Variants in ST7 observed in about 807,000 individuals in gnomAD.
The protein encoded by ST7 is suppression of tumorigenicity 7, also known as suppressor of tumorigenicity 7 protein.
ST7 carries 28 observed loss-of-function variants against 78.7 expected under a neutral mutation model. The ratio of observed to expected loss-of-function variants is 0.36; its 90% confidence interval spans 0.26 to 0.49. The LOEUF (loss-of-function observed/expected upper bound fraction) is 0.49, where lower values mean the gene tolerates loss of function less well. Ranked by LOEUF, ST7 falls within the 20% of genes least tolerant of loss-of-function variation. The pLI, the probability that ST7 is intolerant of heterozygous loss-of-function variation, is 0.99. For missense variants in ST7, 418 were observed against 696.0 expected (o/e 0.60, Z 4.49); for synonymous variants, 247 against 249.6 (o/e 0.99, Z 0.10).
At chr7:117,153,344 T>A (rs1806437178) in intron 9 of ST7, among the ~76,000 whole-genome samples, 1 of 152,050 alleles carries the variant, frequency 6.6e-6, no homozygotes, top group Non-Finnish European at 1.5e-5. Flanking sequence ...ACCCTGAGCT[T>A]ATGAGAGAGA....
chr7:117,135,944 T>C, intron 7 of ST7, 137 bp from the exon 8 acceptor site: 2 of 837,640 alleles, frequency 2.4e-6, no homozygotes, highest in Non-Finnish European at 3.8e-6. Context: ...TGTCAGCAAC[T>C]ACAAACAGGA....
Position 117,165,951 on chromosome 7 carries a change from A to T in ST7, c.964-4911A>T, listed in dbSNP as rs996900343. Among the ~76,000 whole-genome samples, 42 of 152,122 alleles carry T rather than the reference A, an allele frequency of 2.8e-4. 1 individual carries two copies. Among genetic ancestry groups the T allele is most frequent in the Non-Finnish European group, 7.4e-5 (5 of 68,010 alleles). ...AGTGAGGTTGGCATATTAGACAGGG[A>T]CTTGTCACAAGGGGCTACGTTTGCC... On this transcript the variant is annotated intron_variant, in intron 9 of 15. Coordinates refer to ENST00000323984, the MANE Select transcript of ST7 (RefSeq NM_001369598.1).
At chr7:117,128,024 C>A (rs1169532145) in intron 3 of ST7, among the ~76,000 whole-genome samples, 2 of 151,872 alleles carry the variant, frequency 1.3e-5, no homozygotes, top group African/African-American at 4.8e-5. Context: ...TTTGCCCTAG[C>A]CTTTTTACTA....
At chr7:117,110,797 A>G (rs758003487) in intron 2 of ST7, among the ~76,000 whole-genome samples, 10 of 152,236 alleles carry the variant, frequency 6.6e-5, no homozygotes, top group South Asian at 2.1e-4. Context: ...CCCAACAGCA[A>G]TAAAGGGATT....
chr7:117,063,538 A>G (rs1329866993), intron 1 of ST7, among the ~76,000 whole-genome samples: 3 of 152,046 alleles, frequency 2.0e-5, no homozygotes, highest in Non-Finnish European at 2.9e-5. Context: ...GTGAAAGCCT[A>G]TCTCTACAAA....
chr7:117,138,344 G>A lies in ST7; in HGVS notation c.866-91G>A, dbSNP rs899690694. ...CATTCTACTATTAACAAAGTTGTCA[G>A]TGCTATGAAAATTTCCTTTAGGGGC... On this transcript the variant is annotated intron_variant, in intron 8 of 15. Transcript: ENST00000323984. The A allele has an allele frequency of 5.6e-6, 4 of 718,994 alleles. No homozygotes were observed. The Admixed American group carries it at 1.1e-4, about 21-fold the overall frequency. 44.5% of individuals were successfully genotyped at this position (718,994 alleles called of 1,614,324 possible). A position where few individuals can be genotyped will look rare whatever the true frequency, so the allele number is the denominator to read the frequency against.
Position 117,131,938 on chromosome 7 carries a change from C to T in ST7, c.619C>T (p.His207Tyr), listed in dbSNP as rs755364001. The T allele has an allele frequency of 6.2e-7, 1 of 1,611,360 alleles. No individual in the cohort carries two copies. The highest frequency in any genetic ancestry group is 8.5e-7 in the Non-Finnish European group (1 of 1,178,184). ...CCCCCAAGCTAGGATTTCTGCAGCT[C>T]ATGAAGCCTTGGAGATAAATGAGTA... Reference protein sequence around the residue: ...RNPQARISAAHEALEINEIRS... With the variant: ...RNPQARISAAYEALEINEIRS... Residue 207 changes from histidine to tyrosine, a missense_variant, in exon 6 of 16, where the codon CAT (histidine) becomes TAT (tyrosine). This residue lies in a region of ST7 where 288 missense variants were observed against 537.1 expected (regional missense o/e 0.54). Coordinates refer to ENST00000323984, the MANE Select transcript of ST7 (RefSeq NM_001369598.1).
At chr7:117,159,967 T>C (rs1806998061) in intron 9 of ST7, among the ~76,000 whole-genome samples, 1 of 152,200 alleles carries the variant, frequency 6.6e-6, no homozygotes, top group Admixed American at 6.5e-5. Context: ...TTTGGGAGAC[T>C]GAGGCGGGTG....
intron 9 of ST7, among the ~76,000 whole-genome samples, chr7:117,165,749 A>G (rs1179254457): frequency 1.3e-5 from 2 of 152,150 alleles, no homozygotes; most frequent in African/African-American, 2.4e-5. Context: ...AGATGAAGGT[A>G]AGAGGTCAGG....
At chr7:116,954,731 T>C (rs887853244) in intron 1 of ST7, 2 of 158,534 alleles carry the variant, frequency 1.3e-5, no homozygotes, top group South Asian at 3.5e-4. Context: ...TACTGGGAAA[T>C]TCTTACAGTC....
At chr7:117,186,270 G>A (rs1263301926) in intron 10 of ST7, among the ~76,000 whole-genome samples, 1 of 152,076 alleles carries the variant, frequency 6.6e-6, no homozygotes, top group Non-Finnish European at 1.5e-5. Flanking sequence ...TATCCAAATT[G>A]CCAGCATCAC....
At chr7:117,186,436 G>A (rs886798423) in intron 10 of ST7, among the ~76,000 whole-genome samples, 2 of 152,204 alleles carry the variant, frequency 1.3e-5, no homozygotes, top group Admixed American at 1.3e-4. Context: ...TATGCTGGAC[G>A]AAGGGATGAT....
Position 116,962,711 on chromosome 7 carries a change from A to G in ST7, c.151+9020A>G, listed in dbSNP as rs1195229090. Among the ~76,000 whole-genome samples the G allele has an allele frequency of 2.6e-5, 4 of 152,188 alleles. No individual in the cohort carries two copies. The East Asian group carries it at 7.7e-4, about 29-fold the overall frequency. ...GACTTGGGCAGATGGGTAGATTGCA[A>G]ACATTTTCTCCCATTCTGTAGGTTG... On this transcript the variant is annotated intron_variant, in intron 1 of 15. Coordinates refer to ENST00000323984, the MANE Select transcript of ST7 (RefSeq NM_001369598.1).
At chr7:117,117,943 TA>T (rs1483552587) in intron 2 of ST7, 1 of 152,214 alleles carries the variant, frequency 6.6e-6, no homozygotes, top group Non-Finnish European at 1.5e-5. Context: ...TGTGTAAATT[TA>T]TCATTCCTGA....
At chr7:117,187,149 T>C (rs1424155851) in intron 10 of ST7, among the ~76,000 whole-genome samples, 4 of 152,238 alleles carry the variant, frequency 2.6e-5, no homozygotes, top group African/African-American at 9.6e-5. Flanking sequence ...GTAATGTTTT[T>C]ACAGATAAAA....
intron 5 of ST7, among the ~76,000 whole-genome samples, chr7:117,131,551 G>C (rs902513861): frequency 6.6e-6 from 1 of 151,876 alleles, no homozygotes; most frequent in Non-Finnish European, 1.5e-5. Context: ...AAGGTTGGTA[G>C]CAATGTCATC....
chr7:117,054,040 G>A (rs1015899576), intron 1 of ST7, among the ~76,000 whole-genome samples: 7 of 152,042 alleles, frequency 4.6e-5, no homozygotes, highest in African/African-American at 1.7e-4. Flanking sequence ...GTTTCACCAT[G>A]TTGGCCAGGC....
intron 10 of ST7, among the ~76,000 whole-genome samples, chr7:117,176,860 T>C (rs957767708): frequency 7.2e-5 from 11 of 152,154 alleles, no homozygotes; most frequent in Non-Finnish European, 1.6e-4. Context: ...ACCACAAAAT[T>C]TGGCTGCATA....
At chr7:117,102,378 G>A (rs1001478479) in intron 2 of ST7, among the ~76,000 whole-genome samples, 2 of 152,156 alleles carry the variant, frequency 1.3e-5, no homozygotes, top group African/African-American at 4.8e-5. Flanking sequence ...AAATATTTGA[G>A]TCTGACCTAG....
Sources: allele counts gnomAD v4.1 joint callset (sites outside exome capture counted in the v4.1 genomes callset), GRCh38; gene constraint gnomAD v4.1.1; regional missense constraint gnomAD v4.1.1; transcripts MANE v1.5; gene names NCBI Gene and HGNC (gene_info 2026-07-23, HGNC 2026-07-21).